The following ZNF808 variants were observed in gnomAD, a reference collection of about 807,000 sequenced individuals.
ZNF808 encodes zinc finger protein 808.
ZNF808 carries 5 observed loss-of-function variants against 8.7 expected under a neutral mutation model. The observed-to-expected ratio is 0.58, with a 90% CI of 0.30 to 1.21. ZNF808 has a LOEUF of 1.21. Among genes scored for constraint, ZNF808 ranks in the 50% most tolerant of loss-of-function variants. The pLI, the probability that ZNF808 is intolerant of heterozygous loss-of-function variation, is 0.07. For missense variants in ZNF808, 1,103 were observed against 1,098.4 expected (o/e 1.00, Z -0.06); for synonymous variants, 380 against 366.0 (o/e 1.04, Z -0.44).
chr19:52,563,988 CTCTG>C (rs1600055086), exon 4 of ZNF808: 2 of 404,002 alleles, frequency 5.0e-6, no homozygotes, highest in Non-Finnish European at 9.1e-6. Context: ...AAGAGCAAAC[CTCTG>C]TCTAAAACAA....
chr19:52,529,819 C>A (rs1300977860), intron 1 of ZNF808, among the ~76,000 whole-genome samples: 7 of 151,900 alleles, frequency 4.6e-5, no homozygotes, highest in African/African-American at 1.7e-4. Flanking sequence ...CTCTTGGACT[C>A]AAGTGATCCT....
chr19:52,543,845 T>G (rs879649473), intron 3 of ZNF808, among the ~76,000 whole-genome samples: 1 of 49,188 alleles, frequency 2.0e-5, no homozygotes, highest in African/African-American at 2.4e-4. Context: ...TGTGTCCAAA[T>G]TTTTTTTTTT....
Position 52,554,582 on chromosome 19 carries a change from G to A in ZNF808, c.1666G>A (p.Val556Ile), listed in dbSNP as rs2059814982. 2.5e-6 allele frequency: 4 copies of A among 1,613,388 alleles called. No individual in the cohort carries two copies. The highest frequency in any genetic ancestry group is 3.4e-6 in the Non-Finnish European group (4 of 1,179,676). The change falls in exon 5 of 5, where the codon GTA (valine) becomes ATA (isoleucine). Residue 556 changes from valine (V) to isoleucine (I), a missense_variant. Physicochemically the swap from Val to Ile is conservative, Grantham distance 29. Transcript: ENST00000359798. ...KVFMRNSVLA[V>I]HTRIHTAKKP... ...TTTCATGCGTAATTCAGTCCTGGCT[G>A]TACATACTAGAATTCACACTGCAAA...
chr19:52,547,565 A>G lies in ZNF808; in HGVS notation c.117A>G (p.Lys39=). The G allele has an allele frequency of 6.2e-7, 1 of 1,614,058 alleles. No individual in the cohort carries two copies. Among genetic ancestry groups the G allele is most frequent in the Non-Finnish European group, 8.5e-7 (1 of 1,179,990 alleles). The change falls in exon 4 of 5, where the codon AAA becomes AAG. Residue 39 remains lysine (K), a synonymous_variant. Coordinates refer to ENST00000359798, the MANE Select transcript of ZNF808 (RefSeq NM_001039886.4). ...VAIEFSLAEW[K]FLNPAQRALY... ...TAGAATTCTCATTGGCAGAGTGGAA[A>G]TTCCTGAACCCTGCACAGAGGGCTT...
In ZNF808 at chr19:52,555,721, ATG is replaced by A. The variant is rs1206363735; in HGVS notation, c.*96_*97del. On this transcript the variant is annotated 3_prime_UTR_variant, in exon 5 of 5. Transcript: ENST00000359798. ...AAGAGAAATCTTCTGAGTGTAATAAATGTGGCATGTTTTTCAGACATTGTTCA... is the reference window on the plus strand; with the variant it reads ...AAGAGAAATCTTCTGAGTGTAATAAATGGCATGTTTTTCAGACATTGTTCA... The A allele has an allele frequency of 3.3e-6, 5 of 1,515,168 alleles. No individual in the cohort carries two copies. In the African/African-American group the frequency reaches 6.9e-5, roughly 21 times the overall value. The allele number at this position is 1,515,168 out of a possible 1,614,324, so 93.9% of individuals were successfully genotyped here.
In ZNF808 at chr19:52,543,364, C is replaced by G. The variant is rs1339863849; in HGVS notation, c.63+17C>G. On this transcript the variant is annotated intron_variant, in intron 3 of 4. Coordinates refer to ENST00000359798, the MANE Select transcript of ZNF808 (RefSeq NM_001039886.4). ...CTTCCTCAGGTGAAGTGATATTCCT[C>G]TGTGGATTAATCTGTCTCTTTCCTT... 6 of 1,610,934 alleles carry G rather than the reference C, an allele frequency of 3.7e-6. No homozygotes were observed. Among genetic ancestry groups the G allele is most frequent in the Non-Finnish European group, 5.1e-6 (6 of 1,179,418 alleles).
At position 52,546,387 on chromosome 19, in the gene ZNF808, C is replaced by T. The variant is rs116588561; in HGVS notation, c.64-1125C>T. On this transcript the variant is annotated intron_variant, in intron 3 of 4. Transcript: ENST00000359798. Reference sequence around the variant, plus strand: ...GTTTTTACTAGAGAAGGGGTTTCAGCGTGTTCCCAGGCGGGTCTCAAACTC... The same window carrying T: ...GTTTTTACTAGAGAAGGGGTTTCAGTGTGTTCCCAGGCGGGTCTCAAACTC... 9.6e-3 allele frequency among the ~76,000 whole-genome samples: 1,460 copies of T among 152,132 alleles called. 21 individuals are homozygous for T. The highest frequency in any genetic ancestry group is 0.028 in the African/African-American group (1,164 of 41,518).
At position 52,555,215 on chromosome 19, in the gene ZNF808, G is replaced by A. The variant is rs774565055; in HGVS notation, c.2299G>A (p.Asp767Asn). 9 of 1,613,916 alleles carry A rather than the reference G, an allele frequency of 5.6e-6. No individual in the cohort carries two copies. Among genetic ancestry groups the A allele is most frequent in the Admixed American group, 1.7e-5 (1 of 59,990 alleles). ...TGGTGAGAAACCTTACAAGTGTAAC[G>A]ACTGTGGCAATACCTTCCGTCACTG... ...HSGEKPYKCN[D>N]CGNTFRHWSS... The change falls in exon 5 of 5, where the codon GAC becomes AAC. Residue 767 changes from aspartate (D) to asparagine (N), a missense_variant. Coordinates refer to ENST00000359798, the MANE Select transcript of ZNF808 (RefSeq NM_001039886.4).
chr19:52,539,715 G>A (rs1489678317), intron 2 of ZNF808, among the ~76,000 whole-genome samples: 1 of 150,814 alleles, frequency 6.6e-6, no homozygotes, highest in Non-Finnish European at 1.5e-5. Flanking sequence ...CACCATGGCC[G>A]GCTAATTTTG....
intron 2 of ZNF808, 136 bp downstream of exon 2, chr19:52,533,145 CATTTTCT>C (rs1333519270): frequency 1.3e-5 from 2 of 152,112 alleles, no homozygotes; most frequent in African/African-American, 4.8e-5. Context: ...TTTGCAAGTG[CATTTTCT>C]GTTTTCTGAG....
downstream of ZNF808, among the ~76,000 whole-genome samples, chr19:52,561,210 C>CTATA (rs1568495006): frequency 2.4e-4 from 7 of 29,530 alleles, no homozygotes; most frequent in Non-Finnish European, 2.7e-4. Flanking sequence ...CTCTCTCTCT[C>CTATA]TCTATATATA....
At chr19:52,542,239 G>A (rs1037446230) in intron 2 of ZNF808, among the ~76,000 whole-genome samples, 5 of 151,988 alleles carry the variant, frequency 3.3e-5, no homozygotes, top group African/African-American at 1.2e-4. Flanking sequence ...GATCACAGTC[G>A]ACTTTCAAAA....
At chr19:52,551,468 A>G (rs536617356) in intron 4 of ZNF808, among the ~76,000 whole-genome samples, 1 of 152,044 alleles carries the variant, frequency 6.6e-6, no homozygotes, top group Non-Finnish European at 1.5e-5. Context: ...GACCTCATAC[A>G]TCAGAAGGTA....
chr19:52,552,331 A>G (rs1388817079), intron 4 of ZNF808, among the ~76,000 whole-genome samples: 1 of 152,014 alleles, frequency 6.6e-6, no homozygotes, highest in East Asian at 1.9e-4. Context: ...AATTTTTTCA[A>G]AAGTCACTAA....
At chr19:52,561,583 T>C (rs1396480215) in intron 3 of ZNF808, among the ~76,000 whole-genome samples, 1 of 151,964 alleles carries the variant, frequency 6.6e-6, no homozygotes, top group Non-Finnish European at 1.5e-5. Flanking sequence ...GTTTCGTTCT[T>C]GTTTCCCAGG....
chr19:52,542,957 T>G (rs2059685658), intron 2 of ZNF808, among the ~76,000 whole-genome samples: 2 of 121,284 alleles, frequency 1.6e-5, no homozygotes, highest in Admixed American at 1.7e-4. Flanking sequence ...GATCTTTTTT[T>G]TGGGGGGGGG....
chr19:52,528,137 C>A (rs938719228), intron 1 of ZNF808, among the ~76,000 whole-genome samples: 1 of 152,082 alleles, frequency 6.6e-6, no homozygotes, highest in Non-Finnish European at 1.5e-5. Flanking sequence ...TCTTGCAGAC[C>A]CCATCCTTCT....
downstream of ZNF808, among the ~76,000 whole-genome samples, chr19:52,561,206 CTCTCTCTATA>C (rs1373027897): frequency 0.026 from 899 of 34,858 alleles, 6 homozygotes; most frequent in East Asian, 0.042. Flanking sequence ...CTCTCTCTCT[CTCTCTCTATA>C]TATATATATA....
downstream of ZNF808, among the ~76,000 whole-genome samples, chr19:52,558,730 T>G (rs1173060540): frequency 1.3e-5 from 2 of 152,186 alleles, no homozygotes; most frequent in Non-Finnish European, 2.9e-5. Flanking sequence ...ACTGTTACTG[T>G]GTCTATGTAG....
Sources: gnomAD v4.1 joint callset for allele counts (sites outside exome capture counted in the v4.1 genomes callset) on GRCh38, gnomAD v4.1.1 for gene constraint, MANE v1.5 for transcripts, NCBI Gene and HGNC (gene_info 2026-07-23, HGNC 2026-07-21) for gene names.